Variants in ATP8A1 observed in about 807,000 individuals in gnomAD.
ATP8A1 encodes the protein ATPase phospholipid transporting 8A1.
Under a neutral mutation model 177.7 loss-of-function variants are expected in ATP8A1, and 90 were observed. The observed-to-expected ratio is 0.51, with a 90% CI of 0.43 to 0.60. The LOEUF (loss-of-function observed/expected upper bound fraction) is 0.60, where lower values mean the gene tolerates loss of function less well. ATP8A1 is among the 20% of genes least tolerant of loss of function. The probability of loss-of-function intolerance (pLI) is 0.00; values close to 1 mark genes in which losing one functional copy is unlikely to be tolerated. For synonymous variants in ATP8A1, 493 were observed against 485.9 expected, an observed-to-expected ratio of 1.01 and a Z score of -0.19; for missense variants, 1,072 against 1,392.8, an observed-to-expected ratio of 0.77 and a Z score of 3.67.
intron 25 of ATP8A1, among the ~76,000 whole-genome samples, chr4:42,468,710 T>C (rs1720083224): frequency 6.6e-6 from 1 of 152,134 alleles, no homozygotes; most frequent in Admixed American, 6.5e-5. Flanking sequence ...TTGGGTACAG[T>C]GTATACTGCT....
chr4:42,465,650 C>G (rs945148072), intron 25 of ATP8A1, among the ~76,000 whole-genome samples: 1 of 152,178 alleles, frequency 6.6e-6, no homozygotes, highest in African/African-American at 2.4e-5. Context: ...GGACCAGGAA[C>G]AGAAAACACC....
At chr4:42,515,571 C>T (rs907051369) in intron 22 of ATP8A1, among the ~76,000 whole-genome samples, 2 of 152,164 alleles carry the variant, frequency 1.3e-5, no homozygotes, top group Non-Finnish European at 2.9e-5. Flanking sequence ...ATGTCAACCA[C>T]GTTTTGGGGA....
chr4:42,573,441 G>A (rs917493399), intron 14 of ATP8A1, among the ~76,000 whole-genome samples: 2 of 152,136 alleles, frequency 1.3e-5, no homozygotes, highest in Non-Finnish European at 2.9e-5. Flanking sequence ...GGAGGGTGGA[G>A]GAGGCAGGTG....
intron 1 of ATP8A1, among the ~76,000 whole-genome samples, chr4:42,651,185 G>GT (rs1741058492): frequency 1.7e-5 from 2 of 118,454 alleles, no homozygotes; most frequent in South Asian, 5.4e-4. Context: ...CCCCAGCCAT[G>GT]TAAGTCCATT....
chr4:42,495,616 T>G (rs922189066), intron 24 of ATP8A1, among the ~76,000 whole-genome samples: 44 of 29,492 alleles, frequency 1.5e-3, no homozygotes, highest in Non-Finnish European at 3.0e-3. Context: ...ATTTATTGGT[T>G]TTTTTTTTTT....
intron 19 of ATP8A1, among the ~76,000 whole-genome samples, chr4:42,547,142 C>T (rs1178134788): frequency 3.3e-5 from 5 of 152,140 alleles, no homozygotes; most frequent in Admixed American, 2.6e-4. Flanking sequence ...CATCTAAAAC[C>T]TAAGACTTCA....
At chr4:42,463,416 G>A (rs914644917) in intron 27 of ATP8A1, among the ~76,000 whole-genome samples, 4 of 152,128 alleles carry the variant, frequency 2.6e-5, no homozygotes, top group Non-Finnish European at 4.4e-5. Context: ...TGTAAGATGC[G>A]ACTCGCTCCT....
In ATP8A1 at chr4:42,513,080, T is replaced by C. The variant is rs149691181; in HGVS notation, c.1948-5926A>G. ...GGTGGATTTAGCCCTTGAACTGGAG[T>C]TTGCAACTCCTGATGTAGAATGCTT... On this transcript the variant is annotated intron_variant, in intron 22 of 36. Transcript: ENST00000381668. Among the ~76,000 whole-genome samples the C allele has an allele frequency of 1.4e-4, 21 of 152,286 alleles. No homozygotes were observed. The East Asian group carries it at 2.3e-3, about 17-fold the overall frequency.
intron 1 of ATP8A1, among the ~76,000 whole-genome samples, chr4:42,647,263 A>T (rs957303667): frequency 2.0e-5 from 3 of 152,212 alleles, no homozygotes; most frequent in African/African-American, 7.2e-5. Flanking sequence ...ATGGGTTTCC[A>T]TCACAAAATT....
chr4:42,471,444 CCT>C (rs752825952), intron 25 of ATP8A1, among the ~76,000 whole-genome samples: 3 of 152,200 alleles, frequency 2.0e-5, no homozygotes, highest in Non-Finnish European at 4.4e-5. Flanking sequence ...AGATATAAAA[CCT>C]CTCTTTTGTA....
chr4:42,425,920 G>C (rs2153168787), intron 33 of ATP8A1, among the ~76,000 whole-genome samples: 1 of 152,362 alleles, frequency 6.6e-6, no homozygotes, highest in East Asian at 1.9e-4. Context: ...ATCAGCTGAG[G>C]AAGCTGCAAA....
chr4:42,508,279 C>T (rs999755183), intron 22 of ATP8A1, among the ~76,000 whole-genome samples: 3 of 152,244 alleles, frequency 2.0e-5, no homozygotes, highest in Non-Finnish European at 2.9e-5. Context: ...ATTATAGGTA[C>T]GTGCCACCAC....
At chr4:42,502,631 C>T (rs1723968696) in intron 24 of ATP8A1, among the ~76,000 whole-genome samples, 1 of 152,170 alleles carries the variant, frequency 6.6e-6, no homozygotes, top group Admixed American at 6.5e-5. Context: ...AAAAACTGTG[C>T]ACCACCTGTA....
At chr4:42,447,382 C>T (rs1432752539) in intron 30 of ATP8A1, among the ~76,000 whole-genome samples, 7 of 151,968 alleles carry the variant, frequency 4.6e-5, no homozygotes, top group Admixed American at 2.6e-4. Flanking sequence ...GGGGTTTCAC[C>T]ATGTTGACCA....
chr4:42,530,528 A>T (rs1727159208), intron 20 of ATP8A1, among the ~76,000 whole-genome samples: 1 of 152,138 alleles, frequency 6.6e-6, no homozygotes, highest in Non-Finnish European at 1.5e-5. Flanking sequence ...TCATGCATCC[A>T]CTGTCACAGT....
intron 6 of ATP8A1, among the ~76,000 whole-genome samples, chr4:42,596,110 T>C (rs905160519): frequency 1.3e-5 from 2 of 152,202 alleles, no homozygotes; most frequent in South Asian, 2.1e-4. Context: ...TCTGAGCTCC[T>C]AATACGGCAT....
intron 31 of ATP8A1, among the ~76,000 whole-genome samples, 192 bp downstream of exon 31, chr4:42,446,386 GTTATT>G (rs560555596): frequency 1.3e-3 from 199 of 152,088 alleles, no homozygotes; most frequent in African/African-American, 4.8e-3. Context: ...CTATCATTCA[GTTATT>G]TTATTTCATT....
Position 42,550,456 on chromosome 4 carries a change from A to G in ATP8A1, c.1602+742T>C, listed in dbSNP as rs781588161. Among the ~76,000 whole-genome samples the G allele has an allele frequency of 6.0e-4, 92 of 152,316 alleles. No individual in the cohort carries two copies. In the Middle Eastern group the frequency reaches 0.017, roughly 28 times the overall value. Reference sequence around the variant, plus strand: ...AAACAGAAACTTCCATTTCTGCTATATAACTATGAGCACAATTGCTGGCTC... The same window carrying G: ...AAACAGAAACTTCCATTTCTGCTATGTAACTATGAGCACAATTGCTGGCTC... On this transcript the variant is annotated intron_variant, in intron 18 of 36. Coordinates refer to ENST00000381668, the MANE Select transcript of ATP8A1 (RefSeq NM_006095.2).
In ATP8A1 at chr4:42,413,448, T is replaced by G. The variant is rs540578703; in HGVS notation, c.3398-435A>C. On this transcript the variant is annotated intron_variant, in intron 36 of 36. Transcript: ENST00000381668. The stretch of plus-strand genomic sequence containing the variant: ...GTGAATAATGTAATTGATTCAACCA[T>G]CCCACCATGTACGGTCCCTTGGTAT... 7.9e-5 allele frequency among the ~76,000 whole-genome samples: 12 copies of G among 152,282 alleles called. No homozygotes were observed. The South Asian group carries it at 2.1e-3, about 26-fold the overall frequency.
Sources: allele counts gnomAD v4.1 joint callset (sites outside exome capture counted in the v4.1 genomes callset), GRCh38; gene constraint gnomAD v4.1.1; transcripts MANE v1.5; gene names NCBI Gene and HGNC (gene_info 2026-07-23, HGNC 2026-07-21).